The following VTA1 variants were observed in gnomAD, a reference collection of about 807,000 sequenced individuals.
The protein encoded by VTA1 is vacuolar protein sorting-associated protein VTA1 homolog.
In VTA1, 24 loss-of-function variants were observed where a neutral mutation model predicts 36.9. The observed-to-expected ratio is 0.65, with a 90% CI of 0.47 to 0.91. The LOEUF (loss-of-function observed/expected upper bound fraction) is 0.91, where lower values mean the gene tolerates loss of function less well. VTA1 is among the 40% of genes least tolerant of loss of function. VTA1 has a pLI of 0.00. For missense variants in VTA1, 393 were observed against 377.2 expected, an observed-to-expected ratio of 1.04 and a Z score of -0.35; for synonymous variants, 142 against 130.2, an observed-to-expected ratio of 1.09 and a Z score of -0.62.
intron 4 of VTA1, among the ~76,000 whole-genome samples, chr6:142,181,094 A>AAAAAAATATATATATATATATATAT (rs1471429927): frequency 8.2e-5 from 3 of 36,422 alleles, no homozygotes; most frequent in African/African-American, 2.3e-4. Flanking sequence ...AAAAAAAAAA[A>AAAAAAATATATATATATATATATAT]ATATATATAT....
Position 142,218,538 on chromosome 6 carries a change from G to A in VTA1, c.819G>A (p.Gln273=), listed in dbSNP as rs1320813436. The stretch of plus-strand genomic sequence containing the variant: ...CCCCAGAAGACTTTGCTAGAGCTCA[G>A]AAGTACTGCAAATATGCTGGCAGTG... ...RLTPEDFARA[Q]KYCKYAGSAL... Residue 273 remains glutamine (Q), a synonymous_variant, in exon 8 of 8, where the codon CAG becomes CAA. Transcript: ENST00000367630. The A allele has an allele frequency of 1.2e-6, 2 of 1,613,574 alleles. No homozygotes were observed. The highest frequency in any genetic ancestry group is 2.2e-5 in the East Asian group (1 of 44,852).
intron 4 of VTA1, among the ~76,000 whole-genome samples, chr6:142,182,568 AT>A (rs59727833): frequency 0.97 from 146,991 of 152,264 alleles, 71,018 homozygotes; most frequent in East Asian, 1. Context: ...AGCTGACAAA[AT>A]TTTAACAGTT....
chr6:142,180,209 G>A (rs1028446493), intron 4 of VTA1, among the ~76,000 whole-genome samples: 1 of 152,172 alleles, frequency 6.6e-6, no homozygotes. Context: ...TTAATCTAGG[G>A]CTAAGTCCAG....
rs1394590197 is a variant in VTA1 at position 142,168,727 on chromosome 6, C to G, written c.208-823C>G. On this transcript the variant is annotated intron_variant, in intron 2 of 7. Transcript: ENST00000367630. ...TCTTTTTTGTTTTTCACACTATGTG[C>G]TCTGAGAGATATCATTATTATTATT... Among the ~76,000 whole-genome samples the G allele has an allele frequency of 6.8e-5, 10 of 146,874 alleles. No individual in the cohort carries two copies. In the East Asian group the frequency reaches 2.0e-3, roughly 29 times the overall value.
At chr6:142,158,314 C>T (rs1232699643) in intron 1 of VTA1, among the ~76,000 whole-genome samples, 1 of 152,166 alleles carries the variant, frequency 6.6e-6, no homozygotes, top group Non-Finnish European at 1.5e-5. Flanking sequence ...TCTGGAGCCA[C>T]ACTGCCTGAG....
chr6:142,177,557 C>T (rs1471047901), intron 4 of VTA1, among the ~76,000 whole-genome samples: 1 of 151,960 alleles, frequency 6.6e-6, no homozygotes, highest in African/African-American at 2.4e-5. Context: ...ATTAGGAAGC[C>T]TTTATGAACT....
At chr6:142,163,723 G>T (rs778942015) in intron 1 of VTA1, among the ~76,000 whole-genome samples, 5 of 151,920 alleles carry the variant, frequency 3.3e-5, no homozygotes, top group Non-Finnish European at 5.9e-5. Context: ...CTAGGTTGGG[G>T]CAAGAAAACA....
At chr6:142,197,614 T>C (rs984149652) in intron 5 of VTA1, among the ~76,000 whole-genome samples, 1 of 152,202 alleles carries the variant, frequency 6.6e-6, no homozygotes, top group African/African-American at 2.4e-5. Flanking sequence ...TTTTATTAGC[T>C]AAATGCATTG....
At chr6:142,212,456 C>T (rs533050790) in intron 7 of VTA1, among the ~76,000 whole-genome samples, 7 of 151,408 alleles carry the variant, frequency 4.6e-5, no homozygotes, top group South Asian at 2.1e-4. Flanking sequence ...TGTGACATTC[C>T]GAAAAAGGCA....
intron 5 of VTA1, among the ~76,000 whole-genome samples, chr6:142,196,180 G>A (rs1056706701): frequency 1.3e-5 from 2 of 152,064 alleles, no homozygotes; most frequent in South Asian, 4.1e-4. Flanking sequence ...TGATGTTCCT[G>A]GTTACGAATT....
At chr6:142,213,192 G>A (rs2114687798) in intron 7 of VTA1, among the ~76,000 whole-genome samples, 1 of 152,284 alleles carries the variant, frequency 6.6e-6, no homozygotes, top group East Asian at 1.9e-4. Flanking sequence ...GGAGAAATTG[G>A]CCAAAACAAA....
At chr6:142,208,494 G>A (rs780917005) in intron 7 of VTA1, among the ~76,000 whole-genome samples, 5 of 152,142 alleles carry the variant, frequency 3.3e-5, no homozygotes, top group South Asian at 2.1e-4. Context: ...GGAGCTGAGC[G>A]AGAGGTAGAA....
chr6:142,154,979 A>G (rs1345174990), intron 1 of VTA1, among the ~76,000 whole-genome samples: 1 of 152,004 alleles, frequency 6.6e-6, no homozygotes, highest in Non-Finnish European at 1.5e-5. Context: ...AAAATCATTG[A>G]TACAGCAGAA....
At chr6:142,163,604 A>G (rs958584444) in intron 1 of VTA1, among the ~76,000 whole-genome samples, 2 of 152,138 alleles carry the variant, frequency 1.3e-5, no homozygotes, top group South Asian at 4.2e-4. Context: ...CTTTTAGTTA[A>G]GACAGAGAAG....
chr6:142,181,376 G>T (rs1319504684), intron 4 of VTA1, among the ~76,000 whole-genome samples: 1 of 147,854 alleles, frequency 6.8e-6, no homozygotes, highest in Non-Finnish European at 1.5e-5. Context: ...CTCGTGATCC[G>T]CCTTCCTCGG....
intron 4 of VTA1, among the ~76,000 whole-genome samples, chr6:142,173,945 A>G (rs1775071637): frequency 1.3e-5 from 2 of 151,570 alleles, no homozygotes; most frequent in African/African-American, 2.4e-5. Context: ...TTTACCCCCT[A>G]TCTCACTACC....
intron 6 of VTA1, among the ~76,000 whole-genome samples, chr6:142,202,967 A>G (rs903604507): frequency 1.5e-4 from 23 of 152,028 alleles, no homozygotes; most frequent in Admixed American, 1.5e-3. Context: ...AGTGAGGTAA[A>G]TAATGTATAT....
chr6:142,171,986 C>T (rs980060136), intron 4 of VTA1, among the ~76,000 whole-genome samples: 8 of 152,142 alleles, frequency 5.3e-5, no homozygotes, highest in Non-Finnish European at 1.0e-4. Flanking sequence ...TTGTACAGGA[C>T]ATTTCAAAGT....
Position 142,203,956 on chromosome 6 carries a change from A to T in VTA1, c.698-29A>T, listed in dbSNP as rs41289835. 1.0e-5 allele frequency: 16 copies of T among 1,586,116 alleles called. No individual in the cohort carries two copies. The African/African-American group carries it at 1.6e-4, about 16-fold the overall frequency. On this transcript the variant is annotated intron_variant, in intron 6 of 7. Transcript: ENST00000367630. ...TATAATTAAAAGGTGTAATACTTCT[A>T]TGCCCATTTTTGCTTTTCTGATTTG...
Sources: allele counts gnomAD v4.1 joint callset (sites outside exome capture counted in the v4.1 genomes callset), GRCh38; gene constraint gnomAD v4.1.1; transcripts MANE v1.5; gene names NCBI Gene and HGNC (gene_info 2026-07-23, HGNC 2026-07-21).